Variants in EPHA2 observed in about 807,000 individuals in gnomAD.
EPHA2 encodes EPH receptor A2.
A neutral mutation model predicts 104.9 loss-of-function variants in EPHA2; 54 were observed. The observed-to-expected ratio is 0.51, with a 90% CI of 0.41 to 0.65. The LOEUF (loss-of-function observed/expected upper bound fraction) is 0.65, where lower values mean the gene tolerates loss of function less well. Ranked by LOEUF, EPHA2 falls within the 30% of genes least tolerant of loss-of-function variation. EPHA2 has a pLI of 0.00. For synonymous variants in EPHA2, 560 were observed against 559.1 expected, an observed-to-expected ratio of 1.00 and a Z score of -0.02; for missense variants, 1,117 against 1,369.5, an observed-to-expected ratio of 0.82 and a Z score of 2.91.
chr1:16,146,013 C>T (rs542203767), intron 3 of EPHA2, among the ~76,000 whole-genome samples: 2 of 152,328 alleles, frequency 1.3e-5, no homozygotes, highest in East Asian at 1.9e-4. Flanking sequence ...GCCCCTCGGA[C>T]GACACCCGTC....
At position 16,129,552 on chromosome 1, in the gene EPHA2, C is replaced by G. The variant is rs764404987; in HGVS notation, c.2707G>C (p.Gly903Arg). The G allele has an allele frequency of 1.9e-6, 3 of 1,612,854 alleles. No individual in the cohort carries two copies. Among genetic ancestry groups the G allele is most frequent in the South Asian group, 1.1e-5 (1 of 91,076 alleles). Residue 903 changes from glycine (G) to arginine (R), a missense_variant, in exon 16 of 17, where the codon GGG becomes CGG. Coordinates refer to ENST00000358432, the MANE Select transcript of EPHA2 (RefSeq NM_004431.5). ...TCGGACACCGTGCGGAAGGGCACCC[C>G]CTCCGAGCCGCTCGTGCTGGGGAGC... ...IRLPSTSGSE[G>R]VPFRTVSEWL... is the part of the protein sequence containing the mutation.
chr1:16,149,194 G>A, intron 2 of EPHA2, 147 bp from the exon 3 acceptor site: 1 of 862,784 alleles, frequency 1.2e-6, no homozygotes, highest in African/African-American at 1.7e-5. Context: ...GCGGGTGGGG[G>A]CTGCATCCAT....
chr1:16,155,964 C>T lies in EPHA2; in HGVS notation c.-32G>A, dbSNP rs1186377782. The T allele has an allele frequency of 6.8e-7, 1 of 1,470,662 alleles. No homozygotes were observed. Among genetic ancestry groups the T allele is most frequent in the Non-Finnish European group, 9.0e-7 (1 of 1,116,674 alleles). The allele number at this position is 1,470,662 out of a possible 1,614,324, so 91.1% of individuals were successfully genotyped here. A position where few individuals can be genotyped will look rare whatever the true frequency, so the allele number is the denominator to read the frequency against. The stretch of plus-strand genomic sequence containing the variant: ...CTTCTCGCTCTCGGTCCGATCCCCC[C>T]GAGCCCGGCTCCCGCACACCCGCAC... On this transcript the variant is annotated 5_prime_UTR_variant, in exon 1 of 17. Transcript: ENST00000358432.
Position 16,138,103 on chromosome 1 carries a change from G to A in EPHA2, c.1062C>T (p.Ser354=), listed in dbSNP as rs781610786. The change falls in exon 5 of 17, where the codon AGC becomes AGT. Residue 354 remains serine, a synonymous_variant. Transcript: ENST00000358432. ...VELRWTPPQD[S]GGREDIVYSV... is the part of the protein sequence containing the mutation. ...TGTAGACAATGTCCTCGCGGCCCCC[G>A]CTGTCCTGAGGGGGCGTCCAGCGCA... 18 of 1,609,808 alleles carry A rather than the reference G, an allele frequency of 1.1e-5. No homozygotes were observed. Among genetic ancestry groups the A allele is most frequent in the Admixed American group, 1.7e-5 (1 of 59,990 alleles).
chr1:16,137,993 C>A lies in EPHA2; in HGVS notation c.1172G>T (p.Gly391Val), dbSNP rs1307586091. The change falls in exon 5 of 17, where the codon GGA becomes GTA. Residue 391 changes from glycine to valine, a missense_variant. Physicochemically the swap from Gly to Val is moderately radical, Grantham distance 109. Transcript: ENST00000358432. ...ASVRYSEPPH[G>V]LTRTSVTVSD... is the part of the protein sequence containing the mutation. ...CACTGTCACACTGGTGCGGGTCAGT[C>A]CGTGAGGAGGCTCCGAGTAGCGCAC... is the stretch of plus-strand genomic sequence containing the variant. 1 of 1,614,094 alleles carries A rather than the reference C, an allele frequency of 6.2e-7. No homozygotes were observed.
intron 16 of EPHA2, among the ~76,000 whole-genome samples, chr1:16,126,469 A>G (rs899770997): frequency 6.6e-6 from 1 of 152,260 alleles, no homozygotes; most frequent in African/African-American, 2.4e-5. Context: ...AGGGAAGGGC[A>G]GACCCAGGTG....
In EPHA2 at chr1:16,138,153, C is replaced by T. The variant is rs754656950; in HGVS notation, c.1012G>A (p.Val338Met). The T allele has an allele frequency of 1.6e-5, 25 of 1,608,896 alleles. No individual in the cohort carries two copies. The highest frequency in any genetic ancestry group is 8.9e-5 in the East Asian group (4 of 44,884). ...PPSAPHYLTA[V>M]GMGAKVELRW... ...AGCTCCACCTTGGCACCCATGCCCA[C>T]GGCTGTGAGGTAGTGTGGGGCGGAG... The change falls in exon 5 of 17, where the codon GTG (valine) becomes ATG (methionine). Residue 338 changes from valine to methionine, a missense_variant. Physicochemically the swap from Val to Met is conservative, Grantham distance 21. Coordinates refer to ENST00000358432, the MANE Select transcript of EPHA2 (RefSeq NM_004431.5).
Position 16,154,334 on chromosome 1 carries a change from T to C in EPHA2, c.85+1514A>G, listed in dbSNP as rs547743291. Among the ~76,000 whole-genome samples the C allele has an allele frequency of 3.3e-5, 5 of 152,162 alleles. No homozygotes were observed. The East Asian group carries it at 9.7e-4, about 30-fold the overall frequency. On this transcript the variant is annotated intron_variant, in intron 1 of 16. Coordinates refer to ENST00000358432, the MANE Select transcript of EPHA2 (RefSeq NM_004431.5). ...GGTTGAGACCCCAACCCGGGCCCTG[T>C]CACTCCAGAGACTGAGACAGGATGC... is the stretch of plus-strand genomic sequence containing the variant.
Position 16,127,457 on chromosome 1 carries a change from G to T in EPHA2, c.2825+1977C>A, listed in dbSNP as rs547085457. ...AATGGAGAAGAGACAGTGGCTGTGGGACCCCAGGGGACCAGGCAGCTGGTC... is the reference window on the plus strand; with the variant it reads ...AATGGAGAAGAGACAGTGGCTGTGGTACCCCAGGGGACCAGGCAGCTGGTC... On this transcript the variant is annotated intron_variant, in intron 16 of 16. Coordinates refer to ENST00000358432, the MANE Select transcript of EPHA2 (RefSeq NM_004431.5). Among the ~76,000 whole-genome samples, 21 of 152,274 alleles carry T rather than the reference G, an allele frequency of 1.4e-4. No individual in the cohort carries two copies. In the East Asian group the frequency reaches 3.5e-3, roughly 25 times the overall value.
chr1:16,140,253 C>G lies in EPHA2; in HGVS notation c.824-1823G>C, dbSNP rs1461857786. Among the ~76,000 whole-genome samples, 5 of 152,352 alleles carry G rather than the reference C, an allele frequency of 3.3e-5. No individual in the cohort carries two copies. The East Asian group carries it at 9.7e-4, about 29-fold the overall frequency. ...AGCCGCTCTCACCCCCTTGGTCCAT[C>G]CTGCTTCTGCAGACCCTCAGCATTG... is the stretch of plus-strand genomic sequence containing the variant. On this transcript the variant is annotated intron_variant, in intron 3 of 16. Coordinates refer to ENST00000358432, the MANE Select transcript of EPHA2 (RefSeq NM_004431.5).
At chr1:16,129,756 G>A (rs887838704) in intron 15 of EPHA2, among the ~76,000 whole-genome samples, 167 bp from the exon 16 acceptor site, 4 of 152,124 alleles carry the variant, frequency 2.6e-5, no homozygotes, top group Admixed American at 6.5e-5. Context: ...AGACCTCCTG[G>A]CACGTTGGGA....
chr1:16,148,248 A>G lies in EPHA2; in HGVS notation c.823+130T>C. The G allele has an allele frequency of 8.5e-7, 1 of 1,171,210 alleles. No individual in the cohort carries two copies. Among genetic ancestry groups the G allele is most frequent in the Admixed American group, 1.8e-5 (1 of 56,996 alleles). 72.6% of individuals were successfully genotyped at this position (1,171,210 alleles called of 1,614,324 possible). On this transcript the variant is annotated intron_variant, in intron 3 of 16. Coordinates refer to ENST00000358432, the MANE Select transcript of EPHA2 (RefSeq NM_004431.5). The surrounding 1 kb of genome is among the most constrained non-coding windows in gnomAD (Gnocchi z 4.9). ...AAACTGATGTCTGGGAAGGATCTATAATTTCCACTAACAGAACTAATGTGT... is the reference window on the plus strand; with the variant it reads ...AAACTGATGTCTGGGAAGGATCTATGATTTCCACTAACAGAACTAATGTGT...
In EPHA2 at chr1:16,125,981, G is replaced by T. The variant is rs1435919183; in HGVS notation, c.2826-661C>A. 6.6e-6 allele frequency among the ~76,000 whole-genome samples: 1 copy of T among 152,210 alleles called. No homozygotes were observed. The highest frequency in any genetic ancestry group is 6.5e-5 in the Admixed American group (1 of 15,286). On this transcript the variant is annotated intron_variant, in intron 16 of 16. Coordinates refer to ENST00000358432, the MANE Select transcript of EPHA2 (RefSeq NM_004431.5). This position sits in a 1 kb window ranked among gnomAD's most constrained non-coding sequence, Gnocchi z 4.9. The stretch of plus-strand genomic sequence containing the variant: ...AACTTTGCGAGTCTTCATGGGTGAG[G>T]CTTGCGGGTCACCAGATCCAGTGAC...
intron 3 of EPHA2, among the ~76,000 whole-genome samples, chr1:16,147,125 C>T (rs1044414070): frequency 6.6e-6 from 1 of 152,268 alleles, no homozygotes; most frequent in Non-Finnish European, 1.5e-5. Context: ...GTGGAGATTT[C>T]CGCTGTCACA....
chr1:16,147,070 A>G (rs2024947051), intron 3 of EPHA2, among the ~76,000 whole-genome samples: 1 of 152,256 alleles, frequency 6.6e-6, no homozygotes, highest in South Asian at 2.1e-4. Context: ...GCTCTGCCTC[A>G]TGGCCATTTC....
intron 3 of EPHA2, among the ~76,000 whole-genome samples, chr1:16,147,509 T>C (rs1001384762): frequency 3.3e-5 from 5 of 151,994 alleles, no homozygotes; most frequent in African/African-American, 1.2e-4. Context: ...CATAGTGAGC[T>C]GATAACAGAC....
chr1:16,132,298 G>A (rs375203031), intron 12 of EPHA2, 25 bp from the exon 13 acceptor site: 64 of 1,613,898 alleles, frequency 4.0e-5, no homozygotes, highest in Admixed American at 5.0e-5. Context: ...GCGCTCAGCT[G>A]CAGGCCAGCC....
In EPHA2 at chr1:16,132,059, C is replaced by G; in HGVS notation, c.2325+5G>C. The G allele has an allele frequency of 6.2e-7, 1 of 1,614,136 alleles. No homozygotes were observed. The highest frequency in any genetic ancestry group is 8.5e-7 in the Non-Finnish European group (1 of 1,180,038). On this transcript the variant is annotated splice_donor_5th_base_variant and intron_variant, in intron 13 of 16. Transcript: ENST00000358432. ...TCTCCCTTGAGGTCCCCTTCCCCAA[C>G]TTACACTGGTGGTGTAGGTGGCCTC... is the stretch of plus-strand genomic sequence containing the variant.
At chr1:16,136,141 G>C (rs2024679151) in intron 5 of EPHA2, among the ~76,000 whole-genome samples, 1 of 151,932 alleles carries the variant, frequency 6.6e-6, no homozygotes, top group Non-Finnish European at 1.5e-5. Context: ...AAAATGCTGG[G>C]ATTATGGGCG....
Sources: gnomAD v4.1 joint callset for allele counts (sites outside exome capture counted in the v4.1 genomes callset) on GRCh38, gnomAD v4.1.1 for gene constraint, Gnocchi (gnomAD v3.1) non-coding constraint, MANE v1.5 for transcripts, NCBI Gene and HGNC (gene_info 2026-07-23, HGNC 2026-07-21) for gene names.